The following OPA3 variants were observed in gnomAD, a reference collection of about 807,000 sequenced individuals.
OPA3 encodes the protein optic atrophy 3 protein.
A neutral mutation model predicts 4.0 loss-of-function variants in OPA3; 6 were observed. That is an observed-to-expected ratio of 1.51 (90% CI 0.83 to 2.99). The LOEUF is 2.99. OPA3 is among the 30% of genes most tolerant of loss of function. The probability of loss-of-function intolerance (pLI) is 0.00; values close to 1 mark genes in which losing one functional copy is unlikely to be tolerated. For synonymous variants in OPA3, 105 were observed against 117.1 expected (o/e 0.90, Z 0.67); for missense variants, 235 against 256.2 (o/e 0.92, Z 0.56).
chr19:45,555,375 G>A (rs1000383587), intron 1 of OPA3, among the ~76,000 whole-genome samples: 1 of 151,924 alleles, frequency 6.6e-6, no homozygotes, highest in African/African-American at 2.4e-5. Flanking sequence ...TTGCTTTGTC[G>A]CCCCGGCTGG....
rs750013718 is a variant in OPA3, at chr19:45,553,738, C to T, written c.316G>A (p.Ala106Thr). Residue 106 changes from alanine to threonine, a missense_variant, in exon 2 of 2, where the codon GCG becomes ACG. By Grantham distance (58) the Ala-to-Thr change is moderately conservative (BLOSUM62 0). Coordinates refer to ENST00000263275, the MANE Select transcript of OPA3 (RefSeq NM_025136.4). ...CLVLEYWRHQ[A>T]QQRHKEEEQR... ...TCCTCCTCCTTGTGGCGCTGCTGCG[C>T]CTGGTGGCGCCAGTACTCCAGCACT... 3.7e-6 allele frequency: 6 copies of T among 1,611,382 alleles called. No individual in the cohort carries two copies. The highest frequency in any genetic ancestry group is 3.3e-5 in the South Asian group (3 of 91,050).
At chr19:45,572,518 GAT>G (rs889178270) in intron 1 of OPA3, among the ~76,000 whole-genome samples, 17 of 123,320 alleles carry the variant, frequency 1.4e-4, no homozygotes, top group African/African-American at 3.7e-4. Flanking sequence ...TCATATATGA[GAT>G]ATGAGATATA....
chr19:45,567,343 AAAAAAAAAAAAAAAAG>A (rs1969598350), intron 1 of OPA3, among the ~76,000 whole-genome samples: 1 of 148,956 alleles, frequency 6.7e-6, no homozygotes, highest in African/African-American at 2.5e-5. Flanking sequence ...CTGTGTCAAA[AAAAAAAAAAAAAAAAG>A]AAGAAGAAGA....
At chr19:45,528,752 T>TA (rs1361025457) in exon 2 of OPA3, 1 of 356,234 alleles carries the variant, frequency 2.8e-6, no homozygotes, top group Admixed American at 4.4e-5. Flanking sequence ...AGGTGGGGTC[T>TA]GATAAAAGAC....
At chr19:45,577,840 G>A (rs1409889856) in intron 1 of OPA3, among the ~76,000 whole-genome samples, 4 of 152,102 alleles carry the variant, frequency 2.6e-5, no homozygotes, top group African/African-American at 4.8e-5. Flanking sequence ...TCCAGACATC[G>A]GGACACACTA....
Position 45,553,601 on chromosome 19 carries a change from T to G in OPA3, c.453A>C (p.Glu151Asp). ...QAAPPQGALE[E>D]LRTELQEVRA... ...GCACCTCTTGCAGCTCTGTGCGCAG[T>G]TCCTCCAGGGCGCCCTGTGGCGGCG... The change falls in exon 2 of 2, where the codon GAA becomes GAC. Residue 151 changes from glutamate (E) to aspartate (D), a missense_variant. Glu to Asp is a conservative substitution (Grantham distance 45, BLOSUM62 2). Transcript: ENST00000263275. 2 of 1,611,324 alleles carry G rather than the reference T, an allele frequency of 1.2e-6. No individual in the cohort carries two copies. Among genetic ancestry groups the G allele is most frequent in the Non-Finnish European group, 1.7e-6 (2 of 1,179,610 alleles).
At chr19:45,569,196 C>T (rs1368386427) in intron 1 of OPA3, among the ~76,000 whole-genome samples, 1 of 152,212 alleles carries the variant, frequency 6.6e-6, no homozygotes, top group Non-Finnish European at 1.5e-5. Context: ...CTGTGGCTCA[C>T]GCCTGTAATC....
Position 45,550,519 on chromosome 19 carries a change from C to G in OPA3, c.*2995G>C, listed in dbSNP as rs1969316876. ...TGCTCAGCCATCGCCTCTCCCTCCT[C>G]ACTCTGCAGCTGGGGTAATCCAAGC... On this transcript the variant is annotated 3_prime_UTR_variant, in exon 2 of 2. Coordinates refer to ENST00000263275, the MANE Select transcript of OPA3 (RefSeq NM_025136.4). The G allele has an allele frequency of 1.0e-6, 1 of 986,710 alleles. No homozygotes were observed. The highest frequency in any genetic ancestry group is 1.7e-5 in the African/African-American group (1 of 57,262). The allele number at this position is 986,710 out of a possible 1,614,324, so 61.1% of individuals were successfully genotyped here.
At chr19:45,567,186 A>G (rs1390467267) in intron 1 of OPA3, among the ~76,000 whole-genome samples, 1 of 151,870 alleles carries the variant, frequency 6.6e-6, no homozygotes, top group African/African-American at 2.4e-5. Context: ...AAAAAATAAA[A>G]TAAATTAGCC....
At chr19:45,545,180 A>AAAC (rs1555731730), downstream of OPA3, among the ~76,000 whole-genome samples, 33 of 138,716 alleles carry the variant, frequency 2.4e-4, no homozygotes, top group Admixed American at 5.7e-4. Flanking sequence ...AAAAAAAAAC[A>AAAC]AAAAAACAAA....
chr19:45,573,252 C>A (rs190722084), intron 1 of OPA3, among the ~76,000 whole-genome samples: 1 of 152,042 alleles, frequency 6.6e-6, no homozygotes, highest in African/African-American at 2.4e-5. Context: ...GGCTGTGTCC[C>A]CACCCAAATC....
At chr19:45,578,808 C>T (rs7258777) in intron 1 of OPA3, among the ~76,000 whole-genome samples, 65,531 of 151,954 alleles carry the variant, frequency 0.43, 17,311 homozygotes, top group African/African-American at 0.74. Flanking sequence ...GCCTGGGTGT[C>T]GGAGTGCGAC....
At chr19:45,533,814 G>A (rs910009733) in intron 1 of OPA3, among the ~76,000 whole-genome samples, 5 of 152,322 alleles carry the variant, frequency 3.3e-5, no homozygotes, top group South Asian at 2.1e-4. Flanking sequence ...AAGCGGCTCC[G>A]TCCTGGGCAG....
chr19:45,553,711 G>GCTC lies in OPA3; in HGVS notation c.340_342dup (p.Glu114dup). On this transcript the variant is annotated inframe_insertion, in exon 2 of 2. Coordinates refer to ENST00000263275, the MANE Select transcript of OPA3 (RefSeq NM_025136.4). ...CGCAGCGCGTTCCAGGCAGCACGCT[G>GCTC]CTCCTCCTCCTTGTGGCGCTGCTGC... 6.2e-7 allele frequency: 1 copy of GCTC among 1,609,020 alleles called. No individual in the cohort carries two copies. Among genetic ancestry groups the GCTC allele is most frequent in the Non-Finnish European group, 8.5e-7 (1 of 1,179,348 alleles).
chr19:45,581,122 G>A (rs185232158), intron 1 of OPA3, among the ~76,000 whole-genome samples: 43 of 152,148 alleles, frequency 2.8e-4, no homozygotes, highest in Non-Finnish European at 4.1e-4. Context: ...TCCTCTTTCC[G>A]GACATGGGGA....
At chr19:45,539,276 T>C (rs1969156048) in intron 1 of OPA3, among the ~76,000 whole-genome samples, 1 of 152,048 alleles carries the variant, frequency 6.6e-6, no homozygotes, top group African/African-American at 2.4e-5. Flanking sequence ...GCAGCCACTT[T>C]GGAAAGTAGT....
chr19:45,568,374 G>A (rs976586629), intron 1 of OPA3, among the ~76,000 whole-genome samples: 9 of 151,988 alleles, frequency 5.9e-5, no homozygotes, highest in Non-Finnish European at 1.3e-4. Flanking sequence ...ATTTTTAGTA[G>A]AGATGGGGTT....
Position 45,553,641 on chromosome 19 carries a change from G to A in OPA3, c.413C>T (p.Ala138Val), listed in dbSNP as rs1292595587. ...HLALALEALQ[A>V]QVQAAPPQGA... Reference sequence around the variant, plus strand: ...CTGTGGCGGCGCCGCCTGCACCTGCGCCTGCAGCGCTTCCAGCGCCAGCGC... The same window carrying A: ...CTGTGGCGGCGCCGCCTGCACCTGCACCTGCAGCGCTTCCAGCGCCAGCGC... The change falls in exon 2 of 2, where the codon GCG becomes GTG. Residue 138 changes from alanine (A) to valine (V), a missense_variant. Physicochemically the swap from Ala to Val is moderately conservative, Grantham distance 64. Coordinates refer to ENST00000263275, the MANE Select transcript of OPA3 (RefSeq NM_025136.4). The A allele has an allele frequency of 1.9e-6, 3 of 1,605,760 alleles. No individual in the cohort carries two copies. Among genetic ancestry groups the A allele is most frequent in the Non-Finnish European group, 2.5e-6 (3 of 1,178,396 alleles).
chr19:45,584,220 C>A, intron 1 of OPA3: 1 of 444,350 alleles, frequency 2.3e-6, no homozygotes, highest in Non-Finnish European at 3.0e-6. Flanking sequence ...GCACACGGTG[C>A]CGCTTTTGAA....
Sources: gnomAD v4.1 joint callset for allele counts (sites outside exome capture counted in the v4.1 genomes callset) on GRCh38, gnomAD v4.1.1 for gene constraint, MANE v1.5 for transcripts, NCBI Gene and HGNC (gene_info 2026-07-23, HGNC 2026-07-21) for gene names.